The following PDE10A variants were observed in gnomAD, a reference collection of about 807,000 sequenced individuals.
PDE10A encodes the protein phosphodiesterase 10A.
In PDE10A, 39 loss-of-function variants were observed where a neutral mutation model predicts 97.7. The ratio of observed to expected loss-of-function variants is 0.40; its 90% CI spans 0.31 to 0.52. The LOEUF (loss-of-function observed/expected upper bound fraction) is 0.52, where lower values mean the gene tolerates loss of function less well. Among genes scored for constraint, PDE10A ranks in the 20% least tolerant of loss-of-function variants. The pLI is 0.56. For missense variants in PDE10A, 731 were observed against 1,047.8 expected (o/e 0.70, Z 4.17); for synonymous variants, 371 against 376.8 (o/e 0.98, Z 0.18).
At chr6:165,943,250 G>GAAA (rs1562809846) in intron 1 of PDE10A, among the ~76,000 whole-genome samples, 4 of 67,216 alleles carry the variant, frequency 6.0e-5, no homozygotes, top group African/African-American at 2.6e-4. Flanking sequence ...AAGGAAGGAA[G>GAAA]GAAGGAAGGA....
chr6:165,913,598 A>G (rs578104593), intron 1 of PDE10A, among the ~76,000 whole-genome samples: 25 of 152,170 alleles, frequency 1.6e-4, no homozygotes, highest in Non-Finnish European at 3.5e-4. Flanking sequence ...GAATCCAAGG[A>G]TGCAGGACTG....
intron 1 of PDE10A, among the ~76,000 whole-genome samples, chr6:165,766,104 C>T (rs761285051): frequency 2.6e-5 from 4 of 152,180 alleles, no homozygotes; most frequent in Admixed American, 6.5e-5. Flanking sequence ...TTGTTAGTCC[C>T]GCCGTCCCCT....
intron 21 of PDE10A, among the ~76,000 whole-genome samples, chr6:165,333,849 T>G (rs2128173279): frequency 6.6e-6 from 1 of 152,350 alleles, no homozygotes; most frequent in Admixed American, 6.5e-5. Context: ...GGCAGAGCTC[T>G]TAGCCACATT....
chr6:165,716,258 G>A (rs140471049), intron 1 of PDE10A, among the ~76,000 whole-genome samples: 1 of 152,292 alleles, frequency 6.6e-6, no homozygotes, highest in East Asian at 1.9e-4. Flanking sequence ...GCTGATGAAC[G>A]CACAGTATGA....
intron 15 of PDE10A, among the ~76,000 whole-genome samples, chr6:165,393,301 C>T (rs914647726): frequency 1.9e-4 from 29 of 151,934 alleles, no homozygotes; most frequent in Non-Finnish European, 3.2e-4. Context: ...TTATTACACA[C>T]TCAAATTATT....
chr6:165,427,668 G>A (rs900761361), intron 10 of PDE10A, among the ~76,000 whole-genome samples: 10 of 152,076 alleles, frequency 6.6e-5, no homozygotes, highest in African/African-American at 2.4e-4. Context: ...CAATAAAGCT[G>A]TTTTTAAAAG....
intron 1 of PDE10A, among the ~76,000 whole-genome samples, chr6:165,968,058 A>T (rs1433706897): frequency 6.6e-6 from 1 of 152,244 alleles, no homozygotes; most frequent in Non-Finnish European, 1.5e-5. Context: ...AAAGACACTG[A>T]TCATCATACA....
At chr6:165,368,386 A>T (rs552793243) in intron 18 of PDE10A, among the ~76,000 whole-genome samples, 4 of 152,200 alleles carry the variant, frequency 2.6e-5, no homozygotes, top group Non-Finnish European at 5.9e-5. Flanking sequence ...CAGCAATAAT[A>T]GCTACATATA....
chr6:165,880,772 C>G (rs897868538), intron 1 of PDE10A, among the ~76,000 whole-genome samples: 1 of 152,222 alleles, frequency 6.6e-6, no homozygotes, highest in Admixed American at 6.5e-5. Flanking sequence ...TGGGAACAGG[C>G]TCAGCTGGCA....
chr6:165,580,074 C>T (rs1243030681), intron 1 of PDE10A, among the ~76,000 whole-genome samples: 1 of 152,182 alleles, frequency 6.6e-6, no homozygotes, highest in Non-Finnish European at 1.5e-5. Flanking sequence ...ATTTATTTTA[C>T]TAGAATATAT....
chr6:165,359,206 T>C (rs929021465), intron 18 of PDE10A, among the ~76,000 whole-genome samples: 2 of 152,272 alleles, frequency 1.3e-5, no homozygotes, highest in South Asian at 2.1e-4. Flanking sequence ...TTTGCTACTT[T>C]ACCTTCCTAC....
At chr6:165,532,736 T>C (rs1407688315) in intron 2 of PDE10A, among the ~76,000 whole-genome samples, 1 of 152,170 alleles carries the variant, frequency 6.6e-6, no homozygotes, top group Non-Finnish European at 1.5e-5. Flanking sequence ...GTTACTGGTC[T>C]GGGGATCACA....
intron 2 of PDE10A, among the ~76,000 whole-genome samples, chr6:165,526,596 C>T (rs913032667): frequency 2.6e-5 from 4 of 152,298 alleles, no homozygotes; most frequent in South Asian, 2.1e-4. Flanking sequence ...ACCACATCCC[C>T]GTTCAACTCT....
intron 1 of PDE10A, among the ~76,000 whole-genome samples, chr6:165,776,899 C>T (rs1351083048): frequency 6.6e-6 from 1 of 152,184 alleles, no homozygotes; most frequent in African/African-American, 2.4e-5. Flanking sequence ...ACTGAAATCG[C>T]CTGCCTGCTT....
intron 18 of PDE10A, among the ~76,000 whole-genome samples, chr6:165,373,426 G>C (rs1474191186): frequency 6.6e-6 from 1 of 152,190 alleles, no homozygotes; most frequent in Non-Finnish European, 1.5e-5. Context: ...CAAAGGATAT[G>C]AACGGACACT....
At chr6:165,805,233 C>T (rs1184015583) in intron 1 of PDE10A, among the ~76,000 whole-genome samples, 2 of 151,994 alleles carry the variant, frequency 1.3e-5, no homozygotes, top group Admixed American at 6.5e-5. Context: ...ACTGTGCGCC[C>T]TGGACGAAGC....
At chr6:165,496,721 T>C (rs543469391) in intron 2 of PDE10A, among the ~76,000 whole-genome samples, 3 of 152,366 alleles carry the variant, frequency 2.0e-5, no homozygotes, top group East Asian at 3.9e-4. Flanking sequence ...GATTCTGTGA[T>C]TATTAAGACA....
rs543891319 is a variant in PDE10A at position 165,369,007 on chromosome 6, C to A, written c.2783+10187G>T. 7.9e-3 allele frequency among the ~76,000 whole-genome samples: 1,200 copies of A among 152,202 alleles called. 15 individuals are homozygous for A. Among genetic ancestry groups the A allele is most frequent in the African/African-American group, 0.027 (1,133 of 41,474 alleles). ...CCTCTAGCAAACTCCAACAGACCTG[C>A]AGCTGAGGGTCCTGTCTGTTAGAAG... On this transcript the variant is annotated intron_variant, in intron 18 of 21. Transcript: ENST00000539869.
chr6:165,775,366 C>T (rs1019801555), intron 1 of PDE10A: 3 of 152,192 alleles, frequency 2.0e-5, no homozygotes, highest in Non-Finnish European at 2.9e-5. Context: ...ATAACAACCA[C>T]TTCAGCTACA....
Sources: gnomAD v4.1 joint callset for allele counts (sites outside exome capture counted in the v4.1 genomes callset) on GRCh38, gnomAD v4.1.1 for gene constraint, MANE v1.5 for transcripts, NCBI Gene and HGNC (gene_info 2026-07-23, HGNC 2026-07-21) for gene names.